Variants in TJP1 observed in about 807,000 individuals in gnomAD.
TJP1 encodes tight junction protein 1, also known as tight junction protein ZO-1.
TJP1 carries 43 observed loss-of-function variants against 194.2 expected under a neutral mutation model. That is an observed-to-expected ratio of 0.22 (90% confidence interval 0.17 to 0.29). The LOEUF (loss-of-function observed/expected upper bound fraction) is 0.29. TJP1 is among the 10% of genes least tolerant of loss of function. The probability of loss-of-function intolerance (pLI) is 1.00; values close to 1 mark genes in which losing one functional copy is unlikely to be tolerated. For synonymous variants in TJP1, 801 were observed against 779.0 expected (o/e 1.03, Z -0.47); for missense variants, 1,971 against 2,185.7 (o/e 0.90, Z 1.96).
rs1030499036 is a variant in TJP1 at position 29,954,818 on chromosome 15, C to T, written c.306+1414G>A. On this transcript the variant is annotated intron_variant, in intron 2 of 28. Transcript: ENST00000356107. Reference sequence around the variant, plus strand: ...AGTATTGGCCGGGCACGGTGGCTCACGCCTGTAATCCCAGCAATTTAGGAG... The same window carrying T: ...AGTATTGGCCGGGCACGGTGGCTCATGCCTGTAATCCCAGCAATTTAGGAG... 8.5e-5 allele frequency among the ~76,000 whole-genome samples: 13 copies of T among 152,186 alleles called. No homozygotes were observed. The East Asian group carries it at 1.5e-3, about 18-fold the overall frequency.
intron 1 of TJP1, among the ~76,000 whole-genome samples, chr15:29,806,878 T>C (rs1021286197): frequency 1.3e-5 from 2 of 151,630 alleles, no homozygotes; most frequent in Non-Finnish European, 3.0e-5. Context: ...AAAATAGAAA[T>C]GTCCAGGAGG....
chr15:29,703,684 C>T (rs2041703338), intron 27 of TJP1, among the ~76,000 whole-genome samples: 1 of 151,818 alleles, frequency 6.6e-6, no homozygotes, highest in Non-Finnish European at 1.5e-5. Flanking sequence ...GCTCTGTTGC[C>T]CAGGCTGGAG....
chr15:29,866,145 A>C (rs926122636), intron 2 of TJP1, among the ~76,000 whole-genome samples: 3 of 152,188 alleles, frequency 2.0e-5, no homozygotes, highest in Non-Finnish European at 4.4e-5. Flanking sequence ...CTTTTCAAAA[A>C]TAGCAGCATA....
chr15:29,915,332 G>C (rs1305143153), intron 2 of TJP1, among the ~76,000 whole-genome samples: 1 of 151,432 alleles, frequency 6.6e-6, no homozygotes, highest in Non-Finnish European at 1.5e-5. Flanking sequence ...TTTTTTTTGA[G>C]ATTCTGTTTA....
chr15:29,901,243 C>G (rs948966221), intron 2 of TJP1, among the ~76,000 whole-genome samples: 1 of 152,176 alleles, frequency 6.6e-6, no homozygotes, highest in African/African-American at 2.4e-5. Flanking sequence ...GATGTAGGCA[C>G]GACATCCTGA....
chr15:29,720,643 T>C lies in TJP1; in HGVS notation c.2478A>G (p.Pro826=). 6.2e-7 allele frequency: 1 copy of C among 1,614,108 alleles called. No individual in the cohort carries two copies. Among genetic ancestry groups the C allele is most frequent in the Non-Finnish European group, 8.5e-7 (1 of 1,179,990 alleles). ...HDDRLSYLSA[P]GSEYSMYSTD... ...TGCTATACATTGAGTATTCACTACCTGGAGCTGACAGGTAGGACAGACGAT... is the reference window on the plus strand; with the variant it reads ...TGCTATACATTGAGTATTCACTACCCGGAGCTGACAGGTAGGACAGACGAT... Residue 826 remains proline (P), a synonymous_variant, in exon 19 of 28, where the codon CCA becomes CCG. Coordinates refer to ENST00000614355, the MANE Select transcript of TJP1 (RefSeq NM_001330239.4).
At chr15:29,943,046 C>A (rs2055137412) in intron 2 of TJP1, among the ~76,000 whole-genome samples, 1 of 152,118 alleles carries the variant, frequency 6.6e-6, no homozygotes, top group African/African-American at 2.4e-5. Context: ...CTCCTGGAGA[C>A]AGATGAAAGA....
At chr15:29,953,931 C>T (rs2055848972) in intron 2 of TJP1, among the ~76,000 whole-genome samples, 1 of 152,194 alleles carries the variant, frequency 6.6e-6, no homozygotes, top group African/African-American at 2.4e-5. Context: ...GGAACCATTA[C>T]ACCAGAACAT....
chr15:29,700,317 C>CT lies in TJP1; in HGVS notation c.*1277dup, dbSNP rs764687619. 2.5e-6 allele frequency: 1 copy of CT among 398,732 alleles called. No individual in the cohort carries two copies. Among genetic ancestry groups the CT allele is most frequent in the African/African-American group, 2.1e-5 (1 of 48,578 alleles). The allele number at this position is 398,732 out of a possible 1,614,324, so 24.7% of individuals were successfully genotyped here. On this transcript the variant is annotated 3_prime_UTR_variant, in exon 28 of 28. Transcript: ENST00000614355. ...AATTGTCTATTAGTAAAAAAATACA[C>CT]TTTAGGGCACAGCATTGTATCACAA...
intron 2 of TJP1, among the ~76,000 whole-genome samples, chr15:29,884,355 C>T (rs573937395): frequency 6.6e-6 from 1 of 152,238 alleles, no homozygotes; most frequent in East Asian, 1.9e-4. Context: ...CCACACCAGG[C>T]CCAGTGAATC....
rs770796064 is a variant in TJP1 at position 29,761,778 on chromosome 15, G to A, written c.694-9C>T. On this transcript the variant is annotated splice_polypyrimidine_tract_variant and intron_variant, in intron 6 of 27. Coordinates refer to ENST00000614355, the MANE Select transcript of TJP1 (RefSeq NM_001330239.4). ...GTCACAGTACCATTTATCTGCAACA[G>A]AAAATAAATTACAGCTTGAAAGTAA... 1.3e-6 allele frequency: 2 copies of A among 1,520,576 alleles called. No homozygotes were observed. Among genetic ancestry groups the A allele is most frequent in the East Asian group, 2.3e-5 (1 of 43,390 alleles). 94.2% of individuals were successfully genotyped at this position (1,520,576 alleles called of 1,614,324 possible). A position where few individuals can be genotyped will look rare whatever the true frequency, so the allele number is the denominator to read the frequency against.
intron 4 of TJP1, among the ~76,000 whole-genome samples, chr15:29,771,204 CTTTGT>C (rs1180865992): frequency 6.6e-6 from 1 of 152,198 alleles, no homozygotes; most frequent in African/African-American, 2.4e-5. Context: ...GCAATTCTGT[CTTTGT>C]GTGAACATCA....
intron 2 of TJP1, among the ~76,000 whole-genome samples, chr15:29,893,697 G>A (rs1322320220): frequency 3.6e-5 from 5 of 138,198 alleles, no homozygotes; most frequent in Non-Finnish European, 7.8e-5. Context: ...TATATATATT[G>A]TTTTTCAGAC....
At chr15:29,862,564 G>A (rs550889102) in intron 2 of TJP1, among the ~76,000 whole-genome samples, 2 of 152,180 alleles carry the variant, frequency 1.3e-5, no homozygotes, top group Admixed American at 6.5e-5. Context: ...GCGGAGTGAT[G>A]GGAGCCAAAG....
intron 17 of TJP1, 36 bp downstream of exon 17, chr15:29,726,745 T>G: frequency 6.3e-7 from 1 of 1,591,690 alleles, no homozygotes; most frequent in Non-Finnish European, 8.6e-7. Context: ...GCCCAGACAT[T>G]GTAAGCTGAA....
intron 1 of TJP1, among the ~76,000 whole-genome samples, chr15:29,810,017 G>A (rs186843912): frequency 2.0e-5 from 3 of 152,272 alleles, no homozygotes; most frequent in Admixed American, 2.0e-4. Context: ...CAAACCACGT[G>A]TTTCCGATTT....
chr15:29,821,916 A>C (rs1159838785), intron 1 of TJP1, 86 bp downstream of exon 1: 2 of 1,142,552 alleles, frequency 1.8e-6, no homozygotes, highest in African/African-American at 1.6e-5. Flanking sequence ...GCCGCCAGCG[A>C]GGGAGGGCGG....
chr15:29,954,531 T>C (rs2055868858), intron 2 of TJP1, among the ~76,000 whole-genome samples: 1 of 152,232 alleles, frequency 6.6e-6, no homozygotes. Flanking sequence ...AGCAATTCAC[T>C]TCATTTTGAA....
intron 2 of TJP1, among the ~76,000 whole-genome samples, chr15:29,908,482 A>G (rs1361838282): frequency 6.6e-6 from 1 of 152,072 alleles, no homozygotes; most frequent in Non-Finnish European, 1.5e-5. Flanking sequence ...CAGTCATTGT[A>G]CCTCCCTTGA....
Sources: allele counts gnomAD v4.1 joint callset (sites outside exome capture counted in the v4.1 genomes callset), GRCh38; gene constraint gnomAD v4.1.1; transcripts MANE v1.5; gene names NCBI Gene and HGNC (gene_info 2026-07-23, HGNC 2026-07-21).